The following TBL3 variants were observed in gnomAD, a reference collection of about 807,000 sequenced individuals.
TBL3 encodes transducin beta like 3.
Under a neutral mutation model 102.7 loss-of-function variants are expected in TBL3, and 71 were observed. The observed-to-expected ratio is 0.69, with a 90% CI of 0.57 to 0.84. The LOEUF (loss-of-function observed/expected upper bound fraction) is 0.84. Ranked by LOEUF, TBL3 falls within the 40% of genes least tolerant of loss-of-function variation. The pLI, the probability that TBL3 is intolerant of heterozygous loss-of-function variation, is 0.00. For missense variants in TBL3, 1,188 were observed against 1,098.5 expected, an observed-to-expected ratio of 1.08 and a Z score of -1.15; for synonymous variants, 578 against 477.7, an observed-to-expected ratio of 1.21 and a Z score of -2.74.
intron 4 of TBL3, 30 bp from the exon 5 acceptor site, chr16:1,974,508 G>C: frequency 6.3e-7 from 1 of 1,588,222 alleles, no homozygotes; most frequent in Middle Eastern, 1.7e-4. Flanking sequence ...GGGTATTGCT[G>C]CCCCTCTGCT....
rs2150891626 is a variant in TBL3, at chr16:1,980,943, A to C, written c.*2258A>C. ...GGGTGGCCCAGGGTCACTCACCTTGAGCTGCCTGAATTCGTCCCAACTCCT... is the reference window on the plus strand; with the variant it reads ...GGGTGGCCCAGGGTCACTCACCTTGCGCTGCCTGAATTCGTCCCAACTCCT... On this transcript the variant is annotated 3_prime_UTR_variant, in exon 22 of 22. Coordinates refer to ENST00000568546, the MANE Select transcript of TBL3 (RefSeq NM_006453.3). The C allele has an allele frequency of 6.2e-7, 1 of 1,612,626 alleles. No homozygotes were observed.
rs760441155 is a variant in TBL3, at chr16:1,976,178, G to A, written c.1189-33G>A. ...GGGGAGGCCACGCAGTAGGCCCATG[G>A]ACCAGCCTCTCTCCTCAACTCCCTG... On this transcript the variant is annotated intron_variant, in intron 12 of 21. Transcript: ENST00000568546. 18 of 1,613,466 alleles carry A rather than the reference G, an allele frequency of 1.1e-5. No homozygotes were observed. The South Asian group carries it at 2.0e-4, about 18-fold the overall frequency.
chr16:1,974,941 C>G lies in TBL3; in HGVS notation c.478C>G (p.His160Asp). ...SPGVVHLVAF[H>D]PDPTRLLLFS... ...GTCCGCCCACAGCCTAGTGGCCTTC[C>G]ACCCGGACCCTACACGCCTGCTGCT... Residue 160 changes from histidine to aspartate, a missense_variant, in exon 7 of 22, where the codon CAC (histidine) becomes GAC (aspartate). Transcript: ENST00000568546. 6.2e-7 allele frequency: 1 copy of G among 1,611,348 alleles called. No individual in the cohort carries two copies. Among genetic ancestry groups the G allele is most frequent in the South Asian group, 1.1e-5 (1 of 91,070 alleles).
chr16:1,975,221 C>G lies in TBL3; in HGVS notation c.670C>G (p.Leu224Val), dbSNP rs2083391181. 5.6e-6 allele frequency: 9 copies of G among 1,613,936 alleles called. No homozygotes were observed. The highest frequency in any genetic ancestry group is 7.6e-6 in the Non-Finnish European group (9 of 1,180,026). ...TGACAAGATATGTATCATCTGGGAC[C>G]TTCAGAGCTGCCAGGCCACGAGGAC... is the stretch of plus-strand genomic sequence containing the variant. ...GRDKICIIWD[L>V]QSCQATRTVP... Residue 224 changes from leucine (L) to valine (V), a missense_variant, in exon 8 of 22, where the codon CTT becomes GTT. Transcript: ENST00000568546.
chr16:1,975,231 G>A lies in TBL3; in HGVS notation c.680G>A (p.Cys227Tyr). ...KICIIWDLQS[C>Y]QATRTVPVFE... ...TGTATCATCTGGGACCTTCAGAGCT[G>A]CCAGGCCACGAGGACCGTGCCTGTG... The change falls in exon 8 of 22, where the codon TGC (cysteine) becomes TAC (tyrosine). Residue 227 changes from cysteine to tyrosine, a missense_variant. Physicochemically the swap from Cys to Tyr is radical, Grantham distance 194. Transcript: ENST00000568546. 6.2e-7 allele frequency: 1 copy of A among 1,613,904 alleles called. No homozygotes were observed. The highest frequency in any genetic ancestry group is 8.5e-7 in the Non-Finnish European group (1 of 1,180,024).
In TBL3 at chr16:1,978,301, T is replaced by C. The variant is rs777367125; in HGVS notation, c.2135-12T>C. 8.7e-6 allele frequency: 14 copies of C among 1,610,002 alleles called. No individual in the cohort carries two copies. The highest frequency in any genetic ancestry group is 9.3e-6 in the Non-Finnish European group (11 of 1,178,172). Reference sequence around the variant, plus strand: ...TGGCTGGGCAAGACGATGAGGGTCCTGTTGCCCACAGAGGCCCTGCTGCGC... The same window carrying C: ...TGGCTGGGCAAGACGATGAGGGTCCCGTTGCCCACAGAGGCCCTGCTGCGC... On this transcript the variant is annotated splice_polypyrimidine_tract_variant and intron_variant, in intron 20 of 21. Coordinates refer to ENST00000568546, the MANE Select transcript of TBL3 (RefSeq NM_006453.3).
At chr16:1,976,171 G>A in intron 12 of TBL3, 40 bp from the exon 13 acceptor site, 1 of 1,613,726 alleles carries the variant, frequency 6.2e-7, no homozygotes. Flanking sequence ...CACGCAGTAG[G>A]CCCATGGACC....
chr16:1,977,277 G>A lies in TBL3; in HGVS notation c.1664G>A (p.Cys555Tyr). The change falls in exon 15 of 22, where the codon TGT (cysteine) becomes TAT (tyrosine). Residue 555 changes from cysteine to tyrosine, a missense_variant. Coordinates refer to ENST00000568546, the MANE Select transcript of TBL3 (RefSeq NM_006453.3). ...IKLWALQDFS[C>Y]LKTFEGHDAS... is the part of the protein sequence containing the mutation. ...CTCTGGGCACTCCAGGACTTCAGCT[G>A]TCTCAAGGTAAGTGGCGCTCCAGAC... The A allele has an allele frequency of 6.2e-7, 1 of 1,613,354 alleles. No homozygotes were observed. Among genetic ancestry groups the A allele is most frequent in the Non-Finnish European group, 8.5e-7 (1 of 1,179,930 alleles).
intron 4 of TBL3, 49 bp downstream of exon 4, chr16:1,974,472 AG>A (rs1567324239): frequency 1.9e-6 from 3 of 1,589,496 alleles, no homozygotes; most frequent in South Asian, 2.3e-5. Flanking sequence ...CCTCCCTCCC[AG>A]ACTGAGTCCA....
rs537732779 is a variant in TBL3, at chr16:1,979,421, G to T, written c.*736G>T. On this transcript the variant is annotated 3_prime_UTR_variant, in exon 22 of 22. Coordinates refer to ENST00000568546, the MANE Select transcript of TBL3 (RefSeq NM_006453.3). ...CTGCCCTGCCCACGCCCGCTCCCGC[G>T]TACCTGCATAGCCACCAGCCGCGGT... 45 of 1,606,912 alleles carry T rather than the reference G, an allele frequency of 2.8e-5. No homozygotes were observed. The East Asian group carries it at 9.6e-4, about 34-fold the overall frequency.
At position 1,980,539 on chromosome 16, in the gene TBL3, G is replaced by C. The variant is rs1384072360; in HGVS notation, c.*1854G>C. 4.4e-6 allele frequency: 7 copies of C among 1,603,604 alleles called. No homozygotes were observed. The Admixed American group carries it at 5.0e-5, about 12-fold the overall frequency. On this transcript the variant is annotated 3_prime_UTR_variant, in exon 22 of 22. Coordinates refer to ENST00000568546, the MANE Select transcript of TBL3 (RefSeq NM_006453.3). ...GTGCGCCCCACGCGTCCCAACAGTG[G>C]TGCATCTTAAGGCACCACAAAAACG...
rs1454585292 is a variant in TBL3 at position 1,980,129 on chromosome 16, G to T, written c.*1444G>T. Reference sequence around the variant, plus strand: ...GCCTCCAGACTGTGGATGGAGAGGCGGCCCGCAGCGCGAGAAAGAGGCTGC... The same window carrying T: ...GCCTCCAGACTGTGGATGGAGAGGCTGCCCGCAGCGCGAGAAAGAGGCTGC... On this transcript the variant is annotated 3_prime_UTR_variant, in exon 22 of 22. Coordinates refer to ENST00000568546, the MANE Select transcript of TBL3 (RefSeq NM_006453.3). The T allele has an allele frequency of 1.9e-6, 3 of 1,606,600 alleles. No individual in the cohort carries two copies. In the Admixed American group the frequency reaches 5.1e-5, roughly 27 times the overall value.
chr16:1,978,654 C>G lies in TBL3; in HGVS notation c.2396C>G (p.Pro799Arg), dbSNP rs2083427836. 1.9e-6 allele frequency: 3 copies of G among 1,612,570 alleles called. No individual in the cohort carries two copies. Among genetic ancestry groups the G allele is most frequent in the Non-Finnish European group, 2.5e-6 (3 of 1,179,748 alleles). The change falls in exon 22 of 22, where the codon CCC becomes CGC. Residue 799 changes from proline (P) to arginine (R), a missense_variant. Pro to Arg is a moderately radical substitution (Grantham distance 103). Coordinates refer to ENST00000568546, the MANE Select transcript of TBL3 (RefSeq NM_006453.3). The stretch of plus-strand genomic sequence containing the variant: ...CCTGTGCCGGCCGCCGCCCCCACCC[C>G]CTGGGAAACCCATAAAGGCGCACTG... The part of the protein sequence containing the change: ...KLPVPAAAPT[P>R]WETHKGALP
At position 1,978,314 on chromosome 16, in the gene TBL3, G is replaced by A; in HGVS notation, c.2136G>A (p.Glu712=). 6.2e-7 allele frequency: 1 copy of A among 1,609,842 alleles called. No homozygotes were observed. The highest frequency in any genetic ancestry group is 2.2e-5 in the East Asian group (1 of 44,808). The change falls in exon 21 of 22, where the codon GAG becomes GAA. Residue 712 remains glutamate, a splice_region_variant and synonymous_variant. Transcript: ENST00000568546. ...CGATGAGGGTCCTGTTGCCCACAGA[G>A]GCCCTGCTGCGCTTCTGCGTCACGT... ...TMLRLRRDQK[E]ALLRFCVTWN... is the part of the protein sequence containing the mutation.
rs1205752543 is a variant in TBL3, at chr16:1,980,228, G to A, written c.*1543G>A. On this transcript the variant is annotated 3_prime_UTR_variant, in exon 22 of 22. Coordinates refer to ENST00000568546, the MANE Select transcript of TBL3 (RefSeq NM_006453.3). ...AGTGAGAGGTAGGCGGATGGGGAGG[G>A]TGAAACTGGGGGCGCCACCCCGGCA... The A allele has an allele frequency of 1.3e-6, 2 of 1,549,274 alleles. No homozygotes were observed. Among genetic ancestry groups the A allele is most frequent in the South Asian group, 1.2e-5 (1 of 85,288 alleles).
At position 1,978,820 on chromosome 16, in the gene TBL3, G is replaced by A. The variant is rs1597052357; in HGVS notation, c.*135G>A. 2 of 1,280,638 alleles carry A rather than the reference G, an allele frequency of 1.6e-6. No individual in the cohort carries two copies. Among genetic ancestry groups the A allele is most frequent in the African/African-American group, 3.0e-5 (2 of 67,330 alleles). 79.3% of individuals were successfully genotyped at this position (1,280,638 alleles called of 1,614,324 possible). A position where few individuals can be genotyped will look rare whatever the true frequency, so the allele number is the denominator to read the frequency against. On this transcript the variant is annotated 3_prime_UTR_variant, in exon 22 of 22. Transcript: ENST00000568546. ...AACACCCTACCTAGCCAGCCAGAAGGGCACTGGAGCTGATGGTCTCGGCCC... is the reference window on the plus strand; with the variant it reads ...AACACCCTACCTAGCCAGCCAGAAGAGCACTGGAGCTGATGGTCTCGGCCC...
At chr16:1,978,287 G>A in intron 20 of TBL3, 26 bp from the exon 21 acceptor site, 1 of 1,610,866 alleles carries the variant, frequency 6.2e-7, no homozygotes, top group East Asian at 2.2e-5. Flanking sequence ...GGCTGGGCAA[G>A]ACGATGAGGG....
rs755386182 is a variant in TBL3, at chr16:1,974,941, C to T, written c.478C>T (p.His160Tyr). The change falls in exon 7 of 22, where the codon CAC (histidine) becomes TAC (tyrosine). Residue 160 changes from histidine (H) to tyrosine (Y), a missense_variant. Transcript: ENST00000568546. ...SPGVVHLVAFHPDPTRLLLFS... is the reference protein window; with the variant it reads ...SPGVVHLVAFYPDPTRLLLFS... ...GTCCGCCCACAGCCTAGTGGCCTTC[C>T]ACCCGGACCCTACACGCCTGCTGCT... is the stretch of plus-strand genomic sequence containing the variant. The T allele has an allele frequency of 1.2e-6, 2 of 1,611,348 alleles. No homozygotes were observed. The highest frequency in any genetic ancestry group is 1.7e-6 in the Non-Finnish European group (2 of 1,179,940).
In TBL3 at chr16:1,978,042, C is replaced by G. The variant is rs375926801; in HGVS notation, c.2043C>G (p.Thr681=). The change falls in exon 19 of 22, where the codon ACC becomes ACG. Residue 681 remains threonine (T), a synonymous_variant. Transcript: ENST00000568546. ...GLAISLDRPH[T]VLTVIQAIRR... is the part of the protein sequence containing the mutation. ...CCATCTCCCTGGATCGGCCCCACACCGTGCTGACTGTCATCCAGGGTCAGT... is the reference window on the plus strand; with the variant it reads ...CCATCTCCCTGGATCGGCCCCACACGGTGCTGACTGTCATCCAGGGTCAGT... 1 of 1,605,592 alleles carries G rather than the reference C, an allele frequency of 6.2e-7. No individual in the cohort carries two copies. The highest frequency in any genetic ancestry group is 8.5e-7 in the Non-Finnish European group (1 of 1,175,660).
Sources: gnomAD v4.1 joint callset for allele counts on GRCh38, gnomAD v4.1.1 for gene constraint, MANE v1.5 for transcripts, NCBI Gene and HGNC (gene_info 2026-07-23, HGNC 2026-07-21) for gene names.